UGGT2: variants seen among roughly 807,000 people sequenced by gnomAD.
UGGT2 encodes UDP-glucose glycoprotein glucosyltransferase 2.
A neutral mutation model predicts 192.1 loss-of-function variants in UGGT2; 180 were observed. The ratio of observed to expected loss-of-function variants is 0.94; its 90% CI spans 0.83 to 1.06. The LOEUF (loss-of-function observed/expected upper bound fraction) is 1.06, where lower values mean the gene tolerates loss of function less well. Ranked by LOEUF, UGGT2 falls within the 50% of genes least tolerant of loss-of-function variation. The pLI is 0.00. For synonymous variants in UGGT2, 580 were observed against 591.0 expected (o/e 0.98, Z 0.27); for missense variants, 1,849 against 1,795.7 (o/e 1.03, Z -0.54).
chr13:95,864,339 A>G (rs1046346043), intron 30 of UGGT2, among the ~76,000 whole-genome samples: 2 of 152,240 alleles, frequency 1.3e-5, no homozygotes, highest in Non-Finnish European at 1.5e-5. Flanking sequence ...TAATTGTTGC[A>G]TTTTGCTATG....
chr13:95,983,719 CT>C (rs2051200729), intron 10 of UGGT2, 84 bp downstream of exon 10: 2 of 1,053,870 alleles, frequency 1.9e-6, no homozygotes, highest in Non-Finnish European at 2.7e-6. Context: ...TTACTATTTC[CT>C]TTTTTGTATG....
At chr13:95,956,481 C>T (rs1451833844) in intron 12 of UGGT2, among the ~76,000 whole-genome samples, 1 of 152,022 alleles carries the variant, frequency 6.6e-6, no homozygotes, top group African/African-American at 2.4e-5. Context: ...ACAAAGAACC[C>T]AATTTAAAAT....
At chr13:95,925,475 A>G (rs897829100) in intron 20 of UGGT2, among the ~76,000 whole-genome samples, 5 of 152,170 alleles carry the variant, frequency 3.3e-5, no homozygotes, top group African/African-American at 1.2e-4. Context: ...ACCAGAGAAT[A>G]TATGTCACGA....
In UGGT2 at chr13:95,970,200, T is replaced by A; in HGVS notation, c.1247A>T (p.Asn416Ile). ...TAAAAATTTGCTCATATCTTCCCCA[T>A]TGATCCCAAGATTGCGAAGGCCATT... ...MMNGLRNLGI[N>I]GEDMSKFLKL... Residue 416 changes from asparagine to isoleucine, a missense_variant, in exon 12 of 39, where the codon AAT (asparagine) becomes ATT (isoleucine). Asn to Ile is a moderately radical substitution (Grantham distance 149). Coordinates refer to ENST00000376747, the MANE Select transcript of UGGT2 (RefSeq NM_020121.4). 6.2e-7 allele frequency: 1 copy of A among 1,613,344 alleles called. No individual in the cohort carries two copies. Among genetic ancestry groups the A allele is most frequent in the Non-Finnish European group, 8.5e-7 (1 of 1,179,374 alleles).
At chr13:95,834,564 C>A (rs945892757) in intron 37 of UGGT2, among the ~76,000 whole-genome samples, 1 of 152,130 alleles carries the variant, frequency 6.6e-6, no homozygotes, top group Non-Finnish European at 1.5e-5. Flanking sequence ...ATGCTCTTTT[C>A]TTCTGTTAGG....
intron 1 of UGGT2, among the ~76,000 whole-genome samples, chr13:96,037,214 C>T (rs1348123894): frequency 6.6e-6 from 1 of 151,790 alleles, no homozygotes. Context: ...CTATAACCAC[C>T]TCTAGCCAGA....
chr13:95,947,218 T>C lies in UGGT2; in HGVS notation c.1542-46A>G, dbSNP rs759848538. ...AGGACTGTTATAATTACCTCTTGAA[T>C]CACAATAAACCATTATTTAGAAACG... On this transcript the variant is annotated intron_variant, in intron 14 of 38. Coordinates refer to ENST00000376747, the MANE Select transcript of UGGT2 (RefSeq NM_020121.4). 5 of 1,514,300 alleles carry C rather than the reference T, an allele frequency of 3.3e-6. No individual in the cohort carries two copies. In the South Asian group the frequency reaches 6.4e-5, roughly 19 times the overall value. 93.8% of individuals were successfully genotyped at this position (1,514,300 alleles called of 1,614,324 possible). A position where few individuals can be genotyped will look rare whatever the true frequency, so the allele number is the denominator to read the frequency against.
intron 38 of UGGT2, among the ~76,000 whole-genome samples, chr13:95,817,578 C>G (rs1443822986): frequency 2.0e-5 from 3 of 151,870 alleles, no homozygotes; most frequent in Non-Finnish European, 4.4e-5. Flanking sequence ...GGCAGCCTGT[C>G]TCTAAAACAC....
intron 8 of UGGT2, among the ~76,000 whole-genome samples, chr13:95,989,329 AT>A (rs1156554234): frequency 6.6e-6 from 1 of 152,158 alleles, no homozygotes; most frequent in Non-Finnish European, 1.5e-5. Flanking sequence ...AAGCTGTTAT[AT>A]TTTTAAAAGT....
At chr13:96,001,011 T>C (rs2051783648) in intron 5 of UGGT2, among the ~76,000 whole-genome samples, 1 of 152,224 alleles carries the variant, frequency 6.6e-6, no homozygotes, top group Admixed American at 6.5e-5. Flanking sequence ...ATTCATTAAA[T>C]ATAAGGCTAT....
At chr13:95,877,136 C>T (rs1247732792) in intron 29 of UGGT2, 143 bp downstream of exon 29, 2 of 609,690 alleles carry the variant, frequency 3.3e-6, no homozygotes, top group Non-Finnish European at 5.4e-6. Context: ...CCTGCCTCGG[C>T]CTACCAAAGT....
chr13:96,023,522 C>A (rs1038545382), intron 3 of UGGT2, 107 bp downstream of exon 3: 14 of 1,218,762 alleles, frequency 1.1e-5, no homozygotes, highest in Non-Finnish European at 1.5e-5. Flanking sequence ...ATGGAACCAA[C>A]TATAAACTTG....
chr13:95,877,890 A>T lies in UGGT2; in HGVS notation c.3229-34T>A, dbSNP rs754968747. On this transcript the variant is annotated intron_variant, in intron 27 of 38. Coordinates refer to ENST00000376747, the MANE Select transcript of UGGT2 (RefSeq NM_020121.4). ...GAAGTATGTCATTGTTTTTGGTGTT[A>T]TGTAAAACTCATAATACAAAATTTT... 5 of 1,577,910 alleles carry T rather than the reference A, an allele frequency of 3.2e-6. No individual in the cohort carries two copies. In the Admixed American group the frequency reaches 8.9e-5, roughly 28 times the overall value.
At chr13:95,972,960 C>T (rs9525101) in intron 10 of UGGT2, among the ~76,000 whole-genome samples, 1 of 152,186 alleles carries the variant, frequency 6.6e-6, no homozygotes, top group Non-Finnish European at 1.5e-5. Flanking sequence ...CACCTGAGGT[C>T]AGGAGTTCAA....
chr13:95,974,301 G>C (rs1235841602), intron 10 of UGGT2, among the ~76,000 whole-genome samples: 1 of 152,164 alleles, frequency 6.6e-6, no homozygotes, highest in African/African-American at 2.4e-5. Flanking sequence ...AAAATCTACA[G>C]ATGCCTAGTG....
intron 34 of UGGT2, among the ~76,000 whole-genome samples, chr13:95,855,835 G>T (rs1303842432): frequency 2.0e-5 from 3 of 152,094 alleles, no homozygotes; most frequent in Non-Finnish European, 4.4e-5. Flanking sequence ...ACAAATATCA[G>T]CACATAATTT....
intron 25 of UGGT2, among the ~76,000 whole-genome samples, chr13:95,890,387 TG>T (rs2047765930): frequency 6.6e-6 from 1 of 152,146 alleles, no homozygotes; most frequent in South Asian, 2.1e-4. Context: ...CCAGCTGATT[TG>T]GTTTCTGGAG....
intron 21 of UGGT2, among the ~76,000 whole-genome samples, chr13:95,901,890 A>G (rs559297178): frequency 5.3e-5 from 8 of 152,224 alleles, no homozygotes; most frequent in African/African-American, 1.9e-4. Flanking sequence ...TCAAACTTTC[A>G]GTCCACAGAC....
Position 95,902,395 on chromosome 13 carries a change from C to T in UGGT2, c.2502+459G>A, listed in dbSNP as rs2048128668. ...TCTGTCTTTCCTCCTACAATGTAAG[C>T]TCCACAAAGAACAGGGACAGGGACT... is the stretch of plus-strand genomic sequence containing the variant. On this transcript the variant is annotated intron_variant, in intron 21 of 38. Transcript: ENST00000376747. Among the ~76,000 whole-genome samples, 3 of 152,072 alleles carry T rather than the reference C, an allele frequency of 2.0e-5. No homozygotes were observed. The South Asian group carries it at 6.2e-4, about 31-fold the overall frequency.
Sources: gnomAD v4.1 joint callset for allele counts (sites outside exome capture counted in the v4.1 genomes callset) on GRCh38, gnomAD v4.1.1 for gene constraint, MANE v1.5 for transcripts, NCBI Gene and HGNC (gene_info 2026-07-23, HGNC 2026-07-21) for gene names.